The following DCC variants were observed in gnomAD, a reference collection of about 807,000 sequenced individuals.
DCC encodes DCC netrin 1 receptor, also known as netrin receptor DCC.
DCC carries 58 observed loss-of-function variants against 172.5 expected under a neutral mutation model. That is an observed-to-expected ratio of 0.34 (90% CI 0.27 to 0.42). DCC has a LOEUF of 0.42. DCC is among the 10% of genes least tolerant of loss of function. DCC has a pLI of 1.00. For missense variants in DCC, 1,740 were observed against 1,791.0 expected (o/e 0.97, Z 0.51); for synonymous variants, 709 against 644.5 (o/e 1.10, Z -1.52).
At chr18:53,077,544 G>T (rs546367545) in intron 7 of DCC, among the ~76,000 whole-genome samples, 3 of 152,240 alleles carry the variant, frequency 2.0e-5, no homozygotes, top group African/African-American at 7.2e-5. Flanking sequence ...TGATGGTCCT[G>T]TCTGACCTTA....
intron 1 of DCC, among the ~76,000 whole-genome samples, chr18:52,672,734 A>G (rs1237149177): frequency 8.2e-6 from 1 of 122,282 alleles, no homozygotes; most frequent in African/African-American, 3.2e-5. Flanking sequence ...TTCCCTCTTT[A>G]CCTTTTTTGT....
At chr18:53,443,931 ACTG>A (rs1237555009) in intron 22 of DCC, among the ~76,000 whole-genome samples, 10 of 152,238 alleles carry the variant, frequency 6.6e-5, no homozygotes, top group Non-Finnish European at 1.5e-4. Context: ...AAGTGACTGA[ACTG>A]CTGCAATCTC....
At chr18:53,511,845 C>T (rs542652332) in intron 27 of DCC, among the ~76,000 whole-genome samples, 12 of 151,828 alleles carry the variant, frequency 7.9e-5, no homozygotes, top group East Asian at 7.7e-4. Context: ...TAGCACAGCA[C>T]GGCAGTCTGA....
intron 26 of DCC, among the ~76,000 whole-genome samples, chr18:53,493,570 A>T (rs2045983837): frequency 6.6e-6 from 1 of 152,148 alleles, no homozygotes; most frequent in Admixed American, 6.6e-5. Context: ...TGTTTATAGT[A>T]TTCTCTGATG....
At chr18:53,256,696 C>A (rs141995779) in intron 12 of DCC, among the ~76,000 whole-genome samples, 2 of 152,118 alleles carry the variant, frequency 1.3e-5, no homozygotes, top group African/African-American at 4.8e-5. Context: ...GCAATGCGGA[C>A]TCTTTTTTGG....
chr18:52,498,357 C>G (rs1248297488), intron 1 of DCC, among the ~76,000 whole-genome samples: 1 of 152,154 alleles, frequency 6.6e-6, no homozygotes, highest in Non-Finnish European at 1.5e-5. Flanking sequence ...GGCACAGTGG[C>G]TCATGGCTGT....
intron 5 of DCC, among the ~76,000 whole-genome samples, chr18:53,045,965 G>C (rs1283319165): frequency 6.6e-6 from 1 of 151,822 alleles, no homozygotes; most frequent in Non-Finnish European, 1.5e-5. Context: ...GAGATTTTAT[G>C]AATCTAACCT....
At chr18:53,285,584 G>A (rs566534085) in intron 12 of DCC, among the ~76,000 whole-genome samples, 7 of 152,360 alleles carry the variant, frequency 4.6e-5, no homozygotes, top group South Asian at 2.1e-4. Flanking sequence ...CCTCTGCTAG[G>A]GCAGTGCAGA....
intron 1 of DCC, among the ~76,000 whole-genome samples, chr18:52,612,429 C>T (rs2034293283): frequency 6.6e-6 from 1 of 151,830 alleles, no homozygotes; most frequent in African/African-American, 2.4e-5. Flanking sequence ...ATTGCTCCCA[C>T]TATAGTCAGA....
chr18:53,171,301 T>C (rs1436154548), intron 8 of DCC, among the ~76,000 whole-genome samples: 2 of 152,160 alleles, frequency 1.3e-5, no homozygotes, highest in African/African-American at 4.8e-5. Context: ...GAGCCCACAT[T>C]GTGGAAACCA....
At chr18:52,445,706 C>G (rs1402499019) in intron 1 of DCC, among the ~76,000 whole-genome samples, 1 of 152,176 alleles carries the variant, frequency 6.6e-6, no homozygotes, top group Non-Finnish European at 1.5e-5. Context: ...CCCAGACAAA[C>G]TGATGCTTTC....
At chr18:52,856,636 A>AG (rs2039059614) in intron 2 of DCC, among the ~76,000 whole-genome samples, 1 of 150,008 alleles carries the variant, frequency 6.7e-6, no homozygotes, top group Non-Finnish European at 1.5e-5. Flanking sequence ...AAAAAAAAAA[A>AG]AAAAAAAGAA....
At chr18:52,943,920 C>CT (rs751238231) in intron 5 of DCC, among the ~76,000 whole-genome samples, 1 of 151,954 alleles carries the variant, frequency 6.6e-6, no homozygotes, top group Non-Finnish European at 1.5e-5. Context: ...CGGCTAACGA[C>CT]TTTTTTTCTG....
chr18:52,705,922 A>T (rs2036202129), intron 1 of DCC, among the ~76,000 whole-genome samples: 1 of 152,194 alleles, frequency 6.6e-6, no homozygotes, highest in Admixed American at 6.5e-5. Flanking sequence ...TCCATACCAG[A>T]CATTTTATGT....
chr18:52,927,084 TAC>T (rs1348385478), intron 5 of DCC, among the ~76,000 whole-genome samples: 1 of 98,050 alleles, frequency 1.0e-5, no homozygotes, highest in African/African-American at 3.8e-5. Flanking sequence ...TATGTGTATA[TAC>T]ACGTATATAC....
intron 1 of DCC, among the ~76,000 whole-genome samples, chr18:52,603,777 T>C (rs1287337338): frequency 2.0e-5 from 3 of 151,844 alleles, no homozygotes; most frequent in Non-Finnish European, 4.4e-5. Flanking sequence ...AGAGAAAACC[T>C]AAAAAGAAGA....
chr18:52,488,620 T>C (rs770102391), intron 1 of DCC, among the ~76,000 whole-genome samples: 1 of 152,114 alleles, frequency 6.6e-6, no homozygotes, highest in Non-Finnish European at 1.5e-5. Context: ...TTGACTGCTC[T>C]CTAATTTGTG....
At chr18:52,872,917 A>G (rs2039344366) in intron 2 of DCC, among the ~76,000 whole-genome samples, 2 of 152,210 alleles carry the variant, frequency 1.3e-5, no homozygotes, top group Admixed American at 6.5e-5. Context: ...AGTTAGAAAT[A>G]CAAATTATAA....
At chr18:53,513,951 C>T (rs1049918121) in intron 27 of DCC, among the ~76,000 whole-genome samples, 1 of 150,908 alleles carries the variant, frequency 6.6e-6, no homozygotes, top group African/African-American at 2.4e-5. Context: ...CTCAGCTCTG[C>T]ACCAAGCAGA....
Sources: gnomAD v4.1 joint callset for allele counts (sites outside exome capture counted in the v4.1 genomes callset) on GRCh38, gnomAD v4.1.1 for gene constraint, MANE v1.5 for transcripts, NCBI Gene and HGNC (gene_info 2026-07-23, HGNC 2026-07-21) for gene names.